Variants in DOCK9 observed in about 807,000 individuals in gnomAD.
DOCK9 encodes the protein dedicator of cytokinesis 9, also known as dedicator of cytokinesis protein 9.
A neutral mutation model predicts 263.3 loss-of-function variants in DOCK9; 89 were observed. That is an observed-to-expected ratio of 0.34 (90% CI 0.28 to 0.40). The LOEUF is 0.40. DOCK9 is among the 10% of genes least tolerant of loss of function. The pLI, the probability that DOCK9 is intolerant of heterozygous loss-of-function variation, is 1.00. For synonymous variants in DOCK9, 976 were observed against 973.1 expected, an observed-to-expected ratio of 1.00 and a Z score of -0.06; for missense variants, 2,140 against 2,603.4, an observed-to-expected ratio of 0.82 and a Z score of 3.87.
chr13:98,927,866 G>A (rs2053258899), intron 3 of DOCK9, among the ~76,000 whole-genome samples: 1 of 151,902 alleles, frequency 6.6e-6, no homozygotes, highest in African/African-American at 2.4e-5. Context: ...TGATCCACCC[G>A]CCTCGGCCTC....
In DOCK9 at chr13:98,901,897, T is replaced by C. The variant is rs2048332834; in HGVS notation, c.1384A>G (p.Ile462Val). The change falls in exon 13 of 53, where the codon ATA becomes GTA. Residue 462 changes from isoleucine (I) to valine (V), a missense_variant. Ile to Val is a conservative substitution (Grantham distance 29). This residue lies in a region of DOCK9 where 1,521 missense variants were observed against 1,741.7 expected (regional missense o/e 0.87). Coordinates refer to ENST00000682017, the MANE Select transcript of DOCK9 (RefSeq NM_001366683.2). Reference sequence around the variant, plus strand: ...GGATGAGGACAAGTGACTGAAAATATTCCCTAGGAGGCAAACAATTTTCTT... The same window carrying C: ...GGATGAGGACAAGTGACTGAAAATACTCCCTAGGAGGCAAACAATTTTCTT... Reference protein sequence around the residue: ...EAAMQYPKQGIFSVTCPHPDI... With the variant: ...EAAMQYPKQGVFSVTCPHPDI... The C allele has an allele frequency of 6.2e-7, 1 of 1,611,804 alleles. No individual in the cohort carries two copies. The highest frequency in any genetic ancestry group is 1.7e-4 in the Middle Eastern group (1 of 6,058).
intron 24 of DOCK9, 52 bp downstream of exon 24, chr13:98,881,840 C>A: frequency 6.9e-7 from 1 of 1,455,622 alleles, no homozygotes. Context: ...TGACTATGCT[C>A]CAGATGTGGA....
intron 33 of DOCK9, 75 bp downstream of exon 33, chr13:98,860,330 C>G (rs545289353): frequency 6.5e-7 from 1 of 1,545,278 alleles, no homozygotes; most frequent in South Asian, 1.2e-5. Context: ...AAGTGTGACA[C>G]GTTCACCAAC....
At chr13:98,988,140 A>G (rs2141673838) in intron 1 of DOCK9, among the ~76,000 whole-genome samples, 1 of 152,304 alleles carries the variant, frequency 6.6e-6, no homozygotes, top group South Asian at 2.1e-4. Context: ...CTTGGGAAGT[A>G]TTTTAAAATA....
chr13:98,989,388 G>T (rs1243933477), intron 1 of DOCK9, among the ~76,000 whole-genome samples: 1 of 149,370 alleles, frequency 6.7e-6, no homozygotes, highest in Non-Finnish European at 1.5e-5. Flanking sequence ...TGATAATACA[G>T]ATTCCAGGAC....
At chr13:98,795,789 C>T (rs1363160803) in intron 52 of DOCK9, among the ~76,000 whole-genome samples, 1 of 148,036 alleles carries the variant, frequency 6.8e-6, no homozygotes, top group Non-Finnish European at 1.5e-5. Flanking sequence ...GATGGAGTCT[C>T]GCTCTGTGGC....
chr13:98,807,544 C>G, intron 48 of DOCK9, 117 bp downstream of exon 48: 1 of 971,664 alleles, frequency 1.0e-6, no homozygotes, highest in Non-Finnish European at 1.4e-6. Flanking sequence ...CTGCCACTCA[C>G]GGCCAACAAT....
At chr13:99,046,982 G>A (rs1304009641) in intron 1 of DOCK9, among the ~76,000 whole-genome samples, 8 of 152,206 alleles carry the variant, frequency 5.3e-5, no homozygotes. Context: ...AGTTGGACGA[G>A]TCCAGGTTTA....
At chr13:98,946,397 A>T (rs896762312) in intron 2 of DOCK9, among the ~76,000 whole-genome samples, 2 of 152,116 alleles carry the variant, frequency 1.3e-5, no homozygotes, top group Admixed American at 1.3e-4. Flanking sequence ...GCCACTCTCC[A>T]TGGCCTGCTT....
In DOCK9 at chr13:99,071,305, G is replaced by GC. The variant is rs200283270; in HGVS notation, c.129+14917dup. ...CTACAGGTGCTTGCCACCATGCCTG[G>GC]CTTTTTTTTTTTTTTTTTTTTTTTT... On this transcript the variant is annotated intron_variant, in intron 1 of 32. Transcript: ENST00000427887. Among the ~76,000 whole-genome samples, 4 of 70,936 alleles carry GC rather than the reference G, an allele frequency of 5.6e-5. 1 individual carries two copies. The Admixed American group carries it at 7.0e-4, about 12-fold the overall frequency. The allele number at this position is 70,936 out of a possible 152,430, so 46.5% of individuals were successfully genotyped here. A position where few individuals can be genotyped will look rare whatever the true frequency, so the allele number is the denominator to read the frequency against.
In DOCK9 at chr13:98,825,838, G is replaced by C. The variant is rs573869829; in HGVS notation, c.5023+992C>G. The C allele has an allele frequency of 2.1e-6, 3 of 1,438,642 alleles. No individual in the cohort carries two copies. In the South Asian group the frequency reaches 4.5e-5, roughly 22 times the overall value. 89.1% of individuals were successfully genotyped at this position (1,438,642 alleles called of 1,614,324 possible). A position where few individuals can be genotyped will look rare whatever the true frequency, so the allele number is the denominator to read the frequency against. On this transcript the variant is annotated intron_variant, in intron 44 of 52. Coordinates refer to ENST00000682017, the MANE Select transcript of DOCK9 (RefSeq NM_001366683.2). This position sits in a 1 kb window ranked among gnomAD's most constrained non-coding sequence, Gnocchi z 4.1. ...GGGAGGGCACGTGACCAGGGCAGGG[G>C]GTCCCCGGGGGCTGGGCTGATCCTC...
chr13:98,833,458 C>A (rs2092850857), intron 39 of DOCK9, among the ~76,000 whole-genome samples: 1 of 152,180 alleles, frequency 6.6e-6, no homozygotes, highest in Non-Finnish European at 1.5e-5. Context: ...GCTGTCTGAA[C>A]TGGCCCATGT....
At chr13:98,962,290 T>C (rs2141137259) in intron 1 of DOCK9, among the ~76,000 whole-genome samples, 1 of 152,376 alleles carries the variant, frequency 6.6e-6, no homozygotes. Flanking sequence ...ATGGCTTGTG[T>C]TAGCTTTTTA....
intron 1 of DOCK9, among the ~76,000 whole-genome samples, chr13:99,014,592 C>A (rs1207191612): frequency 2.0e-5 from 3 of 152,212 alleles, no homozygotes; most frequent in Admixed American, 6.5e-5. Context: ...GCCTCACCAG[C>A]CGGGAAAGGT....
chr13:98,895,694 C>T (rs1037612645), intron 15 of DOCK9, among the ~76,000 whole-genome samples: 2 of 151,648 alleles, frequency 1.3e-5, no homozygotes, highest in African/African-American at 4.8e-5. Flanking sequence ...TCCAAAAGTT[C>T]ACCACGAAGG....
chr13:98,942,228 TTTTGTTG>T (rs2056000742), intron 2 of DOCK9, among the ~76,000 whole-genome samples: 1 of 135,520 alleles, frequency 7.4e-6, no homozygotes, highest in Non-Finnish European at 1.5e-5. Flanking sequence ...ATGTTTTTTT[TTTTGTTG>T]TTTTTTTTTT....
chr13:98,981,605 C>T (rs1430034618), upstream of DOCK9, among the ~76,000 whole-genome samples: 5 of 152,204 alleles, frequency 3.3e-5, no homozygotes, highest in Non-Finnish European at 7.3e-5. Flanking sequence ...GAAGCAAACC[C>T]TGAGGGCGTG....
intron 45 of DOCK9, among the ~76,000 whole-genome samples, chr13:98,813,857 T>C (rs2091557069): frequency 6.6e-6 from 1 of 152,260 alleles, no homozygotes; most frequent in African/African-American, 2.4e-5. Context: ...GTCAGGCTGG[T>C]CTTAAACTCC....
At chr13:98,963,224 A>C (rs1482924741) in intron 1 of DOCK9, among the ~76,000 whole-genome samples, 2 of 151,022 alleles carry the variant, frequency 1.3e-5, no homozygotes, top group Non-Finnish European at 1.5e-5. Flanking sequence ...TGATCCCCCC[A>C]CCCTTCAATC....
Sources: allele counts gnomAD v4.1 joint callset (sites outside exome capture counted in the v4.1 genomes callset), GRCh38; gene constraint gnomAD v4.1.1; regional missense constraint gnomAD v4.1.1; non-coding constraint Gnocchi (gnomAD v3.1); transcripts MANE v1.5; gene names NCBI Gene and HGNC (gene_info 2026-07-23, HGNC 2026-07-21).